CLNK: variants seen among roughly 807,000 people sequenced by gnomAD.
CLNK encodes the protein cytokine-dependent hematopoietic cell linker.
A neutral mutation model predicts 68.6 loss-of-function variants in CLNK; 74 were observed. The observed-to-expected ratio is 1.08, with a 90% CI of 0.89 to 1.31. CLNK has a LOEUF of 1.31. CLNK is among the 50% of genes most tolerant of loss of function. The pLI, the probability that CLNK is intolerant of heterozygous loss-of-function variation, is 0.00. For synonymous variants in CLNK, 198 were observed against 172.2 expected (o/e 1.15, Z -1.17); for missense variants, 553 against 515.3 (o/e 1.07, Z -0.71).
intron 4 of CLNK, 35 bp downstream of exon 4, chr4:10,584,892 T>A: frequency 6.2e-6 from 10 of 1,610,326 alleles, no homozygotes; most frequent in Non-Finnish European, 8.5e-6. Flanking sequence ...ATGCTGACAT[T>A]CCCACCACTT....
At chr4:10,613,223 G>A (rs1216614651) in intron 2 of CLNK, among the ~76,000 whole-genome samples, 1 of 152,148 alleles carries the variant, frequency 6.6e-6, no homozygotes, top group Admixed American at 6.5e-5. Flanking sequence ...AAGGACTGTA[G>A]AGCAGGTGGG....
chr4:10,492,271 A>T (rs1391737817), intron 18 of CLNK, among the ~76,000 whole-genome samples: 1 of 152,044 alleles, frequency 6.6e-6, no homozygotes, highest in East Asian at 1.9e-4. Context: ...ATAGCTTGTG[A>T]CCTCTGATGC....
At chr4:10,610,982 G>C (rs954653288) in intron 2 of CLNK, among the ~76,000 whole-genome samples, 6 of 151,450 alleles carry the variant, frequency 4.0e-5, no homozygotes, top group Admixed American at 4.0e-4. Context: ...TCAGGAGTTC[G>C]AGACCAGCCG....
intron 3 of CLNK, among the ~76,000 whole-genome samples, chr4:10,592,559 T>A (rs1165152451): frequency 6.6e-6 from 1 of 151,692 alleles, no homozygotes; most frequent in Non-Finnish European, 1.5e-5. Context: ...GTGCCAGGCA[T>A]CATAGGAGGC....
chr4:10,502,473 C>G (rs1717097418), intron 17 of CLNK, among the ~76,000 whole-genome samples: 1 of 152,006 alleles, frequency 6.6e-6, no homozygotes, highest in Non-Finnish European at 1.5e-5. Context: ...TGTGTAGGGT[C>G]ACAGACAAAC....
At chr4:10,561,844 G>A (rs955703371) in intron 7 of CLNK, among the ~76,000 whole-genome samples, 3 of 151,150 alleles carry the variant, frequency 2.0e-5, no homozygotes, top group South Asian at 2.1e-4. Context: ...GGAAAGACTC[G>A]GTCTCTTTCC....
Position 10,540,523 on chromosome 4 carries a change from G to A in CLNK, c.573C>T (p.His191=), listed in dbSNP as rs1171444067. ...GCATTCTCTGGACTTCTGGAAAGGT[G>A]TGTCTCTGAGATAAAGGTGGCCTGC... is the stretch of plus-strand genomic sequence containing the variant. ...ESSRPPLSQR[H]TFPEVQRMPS... Residue 191 remains histidine, a synonymous_variant, in exon 11 of 19, where the codon CAC becomes CAT. Transcript: ENST00000226951. 6.2e-7 allele frequency: 1 copy of A among 1,613,632 alleles called. No individual in the cohort carries two copies. Among genetic ancestry groups the A allele is most frequent in the Non-Finnish European group, 8.5e-7 (1 of 1,179,598 alleles).
At chr4:10,506,839 G>T (rs552716300) in intron 17 of CLNK, among the ~76,000 whole-genome samples, 4 of 152,016 alleles carry the variant, frequency 2.6e-5, no homozygotes, top group African/African-American at 9.7e-5. Context: ...TCGCTCTGTC[G>T]CCCAGGCTGG....
At chr4:10,591,766 C>T (rs975716043) in intron 3 of CLNK, among the ~76,000 whole-genome samples, 9 of 152,214 alleles carry the variant, frequency 5.9e-5, no homozygotes, top group African/African-American at 2.2e-4. Context: ...TGGAGAGCCT[C>T]TCTCAATCCA....
intron 2 of CLNK, among the ~76,000 whole-genome samples, chr4:10,644,563 T>C (rs1485762122): frequency 1.3e-5 from 2 of 152,078 alleles, no homozygotes; most frequent in African/African-American, 2.4e-5. Context: ...ACCCAGAATA[T>C]AGTAGAGGCT....
intron 2 of CLNK, among the ~76,000 whole-genome samples, chr4:10,634,095 G>A (rs930742241): frequency 7.9e-5 from 12 of 152,186 alleles, no homozygotes; most frequent in Admixed American, 6.5e-5. Flanking sequence ...TCATCATGTT[G>A]AAGTCACTCC....
chr4:10,498,937 C>T (rs575340933), intron 18 of CLNK, among the ~76,000 whole-genome samples: 8 of 152,228 alleles, frequency 5.3e-5, no homozygotes, highest in South Asian at 4.1e-4. Flanking sequence ...TCAAATAATC[C>T]GATCAAACTT....
In CLNK at chr4:10,667,880, A is replaced by G. The variant is rs1030075699; in HGVS notation, c.-11T>C. ...TTACTGCCTGTTCATAGTTCTTGGC[A>G]CCTGGCGGGTAAGAGGGATCTTCAA... On this transcript the variant is annotated 5_prime_UTR_variant, in exon 2 of 19. Transcript: ENST00000226951. 1.9e-5 allele frequency: 25 copies of G among 1,336,306 alleles called. No individual in the cohort carries two copies. In the Admixed American group the frequency reaches 5.3e-4, roughly 28 times the overall value. 82.8% of individuals were successfully genotyped at this position (1,336,306 alleles called of 1,614,324 possible). A position where few individuals can be genotyped will look rare whatever the true frequency, so the allele number is the denominator to read the frequency against.
chr4:10,655,696 C>CT (rs1723948435), intron 2 of CLNK, among the ~76,000 whole-genome samples: 1 of 123,786 alleles, frequency 8.1e-6, no homozygotes, highest in Non-Finnish European at 1.6e-5. Context: ...GTTGCCCAGG[C>CT]TGGAGTGCAG....
chr4:10,708,085 T>C, the CLNK span, among the ~76,000 whole-genome samples: 1,432 of 152,182 alleles, frequency 9.4e-3, 5 homozygotes, highest in Admixed American at 0.014. Flanking sequence ...AAGGCAACAG[T>C]ATGAGATTCC....
rs577943739 is a variant in CLNK, at chr4:10,565,774, C to A, written c.292+235G>T. Among the ~76,000 whole-genome samples the A allele has an allele frequency of 4.9e-4, 75 of 152,156 alleles. No homozygotes were observed. In the South Asian group the frequency reaches 7.3e-3, roughly 15 times the overall value. On this transcript the variant is annotated intron_variant, in intron 6 of 18. Transcript: ENST00000226951. The stretch of plus-strand genomic sequence containing the variant: ...GGTCCTCTGGTGAGAACTCAACATG[C>A]GTCATTCACATAATCTTCAAAAGAG...
At chr4:10,492,348 C>T (rs1019138642) in intron 18 of CLNK, among the ~76,000 whole-genome samples, 1 of 152,150 alleles carries the variant, frequency 6.6e-6, no homozygotes, top group Non-Finnish European at 1.5e-5. Context: ...TACTCTGCCT[C>T]TGATTTGGTT....
At chr4:10,700,253 A>C in the CLNK span, among the ~76,000 whole-genome samples, 1 of 152,220 alleles carries the variant, frequency 6.6e-6, no homozygotes, top group Admixed American at 6.5e-5. Flanking sequence ...ATCCAATATT[A>C]GAATTATTCA....
At chr4:10,528,236 C>A (rs1272581445) in intron 12 of CLNK, 142 bp from the exon 13 acceptor site, 7 of 387,380 alleles carry the variant, frequency 1.8e-5, no homozygotes, top group Middle Eastern at 3.9e-4. Context: ...TTAAAAAAAT[C>A]TACAAATAAT....
Sources: allele counts gnomAD v4.1 joint callset (sites outside exome capture counted in the v4.1 genomes callset), GRCh38; gene constraint gnomAD v4.1.1; transcripts MANE v1.5; gene names NCBI Gene and HGNC (gene_info 2026-07-23, HGNC 2026-07-21).